The following TCF7L1 variants were observed in gnomAD, a reference collection of about 807,000 sequenced individuals.
The protein encoded by TCF7L1 is transcription factor 7-like 1.
Under a neutral mutation model 63.7 loss-of-function variants are expected in TCF7L1, and 18 were observed. The observed-to-expected ratio is 0.28, with a 90% CI of 0.20 to 0.42. The LOEUF is 0.42. Among genes scored for constraint, TCF7L1 ranks in the 10% least tolerant of loss-of-function variants. TCF7L1 has a pLI of 1.00. For synonymous variants in TCF7L1, 355 were observed against 340.9 expected (o/e 1.04, Z -0.46); for missense variants, 654 against 779.3 (o/e 0.84, Z 1.91).
At chr2:85,210,692 T>G (rs1369059528) in intron 3 of TCF7L1, among the ~76,000 whole-genome samples, 1 of 152,300 alleles carries the variant, frequency 6.6e-6, no homozygotes, top group African/African-American at 2.4e-5. Context: ...CCATGGGGCG[T>G]GGCAAGGGAA....
chr2:85,175,082 C>T (rs1423427582), intron 3 of TCF7L1, among the ~76,000 whole-genome samples: 1 of 152,200 alleles, frequency 6.6e-6, no homozygotes, highest in Non-Finnish European at 1.5e-5. Flanking sequence ...TGTCCCTGGC[C>T]CGCCCGGCGC....
chr2:85,152,686 C>T (rs1331819153), intron 3 of TCF7L1, among the ~76,000 whole-genome samples: 1 of 131,270 alleles, frequency 7.6e-6, no homozygotes, highest in Non-Finnish European at 1.6e-5. Context: ...CTGCCCATCT[C>T]GGCCTCCCAA....
rs947348351 is a variant in TCF7L1, at chr2:85,148,531, G to A, written c.441+14081G>A. Among the ~76,000 whole-genome samples the A allele has an allele frequency of 5.3e-5, 8 of 152,232 alleles. No homozygotes were observed. In the South Asian group the frequency reaches 1.7e-3, roughly 32 times the overall value. On this transcript the variant is annotated intron_variant, in intron 3 of 11. Coordinates refer to ENST00000282111, the MANE Select transcript of TCF7L1 (RefSeq NM_031283.3). ...TAATGATAGTCATAATGATAAATGG[G>A]GACAGATAATGCTTTGAGAAGCACT... is the stretch of plus-strand genomic sequence containing the variant.
intron 3 of TCF7L1, among the ~76,000 whole-genome samples, chr2:85,148,138 T>C (rs1225823090): frequency 6.6e-6 from 1 of 152,166 alleles, no homozygotes; most frequent in Non-Finnish European, 1.5e-5. Flanking sequence ...ACGCTGGTGC[T>C]GAAGCTTTGG....
chr2:85,282,317 G>A (rs531765275), intron 3 of TCF7L1, among the ~76,000 whole-genome samples: 36 of 152,142 alleles, frequency 2.4e-4, no homozygotes, highest in Non-Finnish European at 5.0e-4. Context: ...ACTTCCTGGG[G>A]CCACCACTTT....
intron 4 of TCF7L1, among the ~76,000 whole-genome samples, chr2:85,297,421 G>A (rs959275003): frequency 5.9e-5 from 9 of 152,198 alleles, no homozygotes; most frequent in Admixed American, 3.3e-4. Context: ...CTGGCCTGCC[G>A]TGGGTCCTCA....
intron 3 of TCF7L1, among the ~76,000 whole-genome samples, chr2:85,220,279 C>T (rs560662506): frequency 6.6e-6 from 1 of 151,864 alleles, no homozygotes; most frequent in African/African-American, 2.4e-5. Flanking sequence ...AGGTGGGGAG[C>T]TCTAGATTAA....
intron 3 of TCF7L1, among the ~76,000 whole-genome samples, chr2:85,274,423 A>G (rs1276226121): frequency 1.3e-5 from 2 of 152,190 alleles, no homozygotes; most frequent in Non-Finnish European, 2.9e-5. Flanking sequence ...CAGAGCATGC[A>G]GCTGTCGGGG....
chr2:85,259,655 T>A (rs1048907902), intron 3 of TCF7L1, among the ~76,000 whole-genome samples: 3 of 152,270 alleles, frequency 2.0e-5, no homozygotes, highest in Non-Finnish European at 2.9e-5. Context: ...TTAGCCATTT[T>A]GTTTTCTTTT....
At chr2:85,287,939 A>G (rs368611173) in intron 4 of TCF7L1, among the ~76,000 whole-genome samples, 10 of 152,178 alleles carry the variant, frequency 6.6e-5, no homozygotes, top group African/African-American at 2.4e-4. Flanking sequence ...CATCTATTAA[A>G]TGGGGATTAG....
chr2:85,181,775 C>T (rs1027142616), intron 3 of TCF7L1, among the ~76,000 whole-genome samples: 3 of 152,130 alleles, frequency 2.0e-5, no homozygotes, highest in Non-Finnish European at 2.9e-5. Flanking sequence ...GTTCCCAGGG[C>T]GCTCGTCTGG....
intron 3 of TCF7L1, among the ~76,000 whole-genome samples, chr2:85,199,967 C>T (rs1422508259): frequency 6.6e-6 from 1 of 152,190 alleles, no homozygotes; most frequent in Non-Finnish European, 1.5e-5. Flanking sequence ...TGGAGTTGCC[C>T]ATTCTAGGCA....
chr2:85,202,362 A>G (rs983342035), intron 3 of TCF7L1, among the ~76,000 whole-genome samples: 4 of 152,128 alleles, frequency 2.6e-5, no homozygotes, highest in African/African-American at 9.7e-5. Flanking sequence ...TATTAAATAC[A>G]TTATTTGCAA....
At chr2:85,252,406 G>C (rs976655768) in intron 3 of TCF7L1, among the ~76,000 whole-genome samples, 2 of 152,144 alleles carry the variant, frequency 1.3e-5, no homozygotes, top group Admixed American at 1.3e-4. Flanking sequence ...ATAGCCACCC[G>C]TTCAGGCAGA....
At chr2:85,270,634 G>A (rs1025296084) in intron 3 of TCF7L1, among the ~76,000 whole-genome samples, 2 of 152,084 alleles carry the variant, frequency 1.3e-5, no homozygotes, top group Non-Finnish European at 2.9e-5. Flanking sequence ...CGGAGGGATG[G>A]GACTGCTCCT....
rs562957701 is a variant in TCF7L1 at position 85,287,192 on chromosome 2, T to G, written c.525+3614T>G. Among the ~76,000 whole-genome samples, 6 of 152,318 alleles carry G rather than the reference T, an allele frequency of 3.9e-5. 1 individual carries two copies. The South Asian group carries it at 1.2e-3, about 32-fold the overall frequency. Reference sequence around the variant, plus strand: ...AACTAACTCCACTCATTTTCCTGCTTTTTTGCAACACAGCCGACAGCCAAG... The same window carrying G: ...AACTAACTCCACTCATTTTCCTGCTGTTTTGCAACACAGCCGACAGCCAAG... On this transcript the variant is annotated intron_variant, in intron 4 of 11. Coordinates refer to ENST00000282111, the MANE Select transcript of TCF7L1 (RefSeq NM_031283.3).
chr2:85,229,938 G>A (rs1046386067), intron 3 of TCF7L1, among the ~76,000 whole-genome samples: 2 of 152,194 alleles, frequency 1.3e-5, no homozygotes, highest in Non-Finnish European at 2.9e-5. Flanking sequence ...AACCTGGGAG[G>A]TCAAGGCTGC....
At chr2:85,228,889 T>C (rs1248374618) in intron 3 of TCF7L1, among the ~76,000 whole-genome samples, 1 of 148,634 alleles carries the variant, frequency 6.7e-6, no homozygotes, top group Non-Finnish European at 1.5e-5. Context: ...GGGAGGGTGG[T>C]GGGCGCCTGC....
At chr2:85,200,359 A>G (rs1045818322) in intron 3 of TCF7L1, among the ~76,000 whole-genome samples, 2 of 152,218 alleles carry the variant, frequency 1.3e-5, no homozygotes, top group African/African-American at 4.8e-5. Context: ...TTAACTACTA[A>G]TAGCCTACTC....
Sources: allele counts gnomAD v4.1 joint callset (sites outside exome capture counted in the v4.1 genomes callset), GRCh38; gene constraint gnomAD v4.1.1; transcripts MANE v1.5; gene names NCBI Gene and HGNC (gene_info 2026-07-23, HGNC 2026-07-21).